The following PCDH9 variants were observed in gnomAD, a reference collection of about 807,000 sequenced individuals.
The protein encoded by PCDH9 is protocadherin-9.
PCDH9 carries 24 observed loss-of-function variants against 70.6 expected under a neutral mutation model. That is an observed-to-expected ratio of 0.34 (90% CI 0.25 to 0.48). PCDH9 has a LOEUF of 0.48. PCDH9 is among the 20% of genes least tolerant of loss of function. The pLI is 0.99. For missense variants in PCDH9, 1,281 were observed against 1,503.6 expected (o/e 0.85, Z 2.45); for synonymous variants, 562 against 558.5 (o/e 1.01, Z -0.09).
rs557165162 is a variant in PCDH9, at chr13:66,337,597, TAAAAC to T, written c.3341-32574_3341-32570del. Among the ~76,000 whole-genome samples the T allele has an allele frequency of 3.7e-3, 192 of 52,084 alleles. 8 individuals carry two copies. The South Asian group carries it at 0.15, about 41-fold the overall frequency. The allele number at this position is 52,084 out of a possible 152,430, so 34.2% of individuals were successfully genotyped here. On this transcript the variant is annotated intron_variant, in intron 4 of 4. Coordinates refer to ENST00000377865, the MANE Select transcript of PCDH9 (RefSeq NM_203487.3). ...TGCAAACTCATCTGGAGGTACTTGTTAAAACAAACAAACAAACAAACAAACAGAAA... is the reference window on the plus strand; with the variant it reads ...TGCAAACTCATCTGGAGGTACTTGTTAAACAAACAAACAAACAAACAGAAA...
chr13:67,059,130 C>T (rs1019837409), intron 2 of PCDH9, among the ~76,000 whole-genome samples: 1 of 151,610 alleles, frequency 6.6e-6, no homozygotes, highest in Non-Finnish European at 1.5e-5. Flanking sequence ...GTTCTTTCTC[C>T]CTTTATCTAA....
chr13:66,747,893 C>A (rs1461842186), intron 3 of PCDH9, among the ~76,000 whole-genome samples: 1 of 152,056 alleles, frequency 6.6e-6, no homozygotes, highest in Non-Finnish European at 1.5e-5. Context: ...ACTGTCAGAC[C>A]TTGTTCGTTA....
chr13:67,128,675 G>A (rs2087036845), intron 2 of PCDH9, among the ~76,000 whole-genome samples: 2 of 152,130 alleles, frequency 1.3e-5, no homozygotes, highest in South Asian at 2.1e-4. Flanking sequence ...AGTGTGGAAG[G>A]TAGGAAGTAG....
intron 4 of PCDH9, among the ~76,000 whole-genome samples, chr13:66,581,890 T>C (rs969177924): frequency 5.3e-5 from 8 of 152,294 alleles, no homozygotes; most frequent in South Asian, 2.1e-4. Flanking sequence ...TTGAAAAATG[T>C]ACCTCATCTA....
At chr13:66,932,347 T>C (rs765673931) in intron 2 of PCDH9, among the ~76,000 whole-genome samples, 6 of 152,128 alleles carry the variant, frequency 3.9e-5, no homozygotes, top group Non-Finnish European at 8.8e-5. Context: ...TAAATCACTT[T>C]GAAGAAACGA....
chr13:66,632,634 T>C (rs1002380962), intron 3 of PCDH9, among the ~76,000 whole-genome samples: 4 of 152,128 alleles, frequency 2.6e-5, no homozygotes, highest in African/African-American at 7.2e-5. Context: ...TCAGCACAGA[T>C]TGGTTTAGTT....
At chr13:66,754,230 G>A (rs2079505775) in intron 3 of PCDH9, among the ~76,000 whole-genome samples, 1 of 152,092 alleles carries the variant, frequency 6.6e-6, no homozygotes, top group Non-Finnish European at 1.5e-5. Context: ...CCTGTCAGTG[G>A]GTGGAGGGCA....
intron 4 of PCDH9, among the ~76,000 whole-genome samples, chr13:66,628,009 T>C (rs552356279): frequency 6.6e-6 from 1 of 151,056 alleles, no homozygotes; most frequent in African/African-American, 2.4e-5. Context: ...GAAAAATATA[T>C]TTTTTTCTTT....
At chr13:66,724,295 T>G (rs1430900316) in intron 3 of PCDH9, among the ~76,000 whole-genome samples, 5 of 152,182 alleles carry the variant, frequency 3.3e-5, no homozygotes, top group Admixed American at 6.5e-5. Context: ...AGGTTAAATT[T>G]GGATCAGAAT....
intron 3 of PCDH9, among the ~76,000 whole-genome samples, chr13:66,824,474 G>T (rs1405427604): frequency 2.0e-5 from 3 of 148,860 alleles, no homozygotes; most frequent in Non-Finnish European, 4.5e-5. Flanking sequence ...TGGCCAATGT[G>T]GTGAAACCCC....
intron 3 of PCDH9, among the ~76,000 whole-genome samples, chr13:66,693,986 G>T (rs2078523574): frequency 6.6e-6 from 1 of 152,226 alleles, no homozygotes; most frequent in Non-Finnish European, 1.5e-5. Flanking sequence ...GGTGAAATGT[G>T]CAGGGCATTT....
intron 2 of PCDH9, among the ~76,000 whole-genome samples, chr13:67,043,040 G>A (rs1003891366): frequency 5.9e-5 from 9 of 152,106 alleles, no homozygotes; most frequent in Non-Finnish European, 1.2e-4. Flanking sequence ...ATTTTTACAA[G>A]TTTAGTATAA....
At chr13:66,924,187 C>A (rs896908239) in intron 2 of PCDH9, among the ~76,000 whole-genome samples, 3 of 151,776 alleles carry the variant, frequency 2.0e-5, no homozygotes, top group African/African-American at 7.2e-5. Flanking sequence ...CTCTTCTAAA[C>A]CCTTATCAAA....
intron 3 of PCDH9, among the ~76,000 whole-genome samples, chr13:66,753,183 A>G (rs1186772045): frequency 6.6e-6 from 1 of 152,208 alleles, no homozygotes; most frequent in Non-Finnish European, 1.5e-5. Flanking sequence ...ACTTAGAAGT[A>G]CCGTAAGTTT....
chr13:66,760,474 T>C (rs1378420035), intron 3 of PCDH9, among the ~76,000 whole-genome samples: 2 of 152,150 alleles, frequency 1.3e-5, no homozygotes, highest in African/African-American at 2.4e-5. Context: ...AAATTAATAC[T>C]TTTATAATTT....
chr13:66,518,436 A>G (rs981043009), intron 4 of PCDH9, among the ~76,000 whole-genome samples: 12 of 152,112 alleles, frequency 7.9e-5, no homozygotes, highest in African/African-American at 2.4e-4. Context: ...ATGAGACAAT[A>G]CTTTTAAAAG....
intron 2 of PCDH9, among the ~76,000 whole-genome samples, chr13:66,916,183 C>T (rs988512855): frequency 2.6e-5 from 4 of 151,576 alleles, no homozygotes; most frequent in African/African-American, 9.7e-5. Flanking sequence ...AAGACAAATT[C>T]AGATATATTC....
intron 4 of PCDH9, among the ~76,000 whole-genome samples, chr13:66,623,294 C>A (rs925235202): frequency 8.5e-5 from 13 of 152,188 alleles, no homozygotes; most frequent in African/African-American, 3.1e-4. Context: ...AAAATGCATC[C>A]CCAGTAGTGA....
intron 3 of PCDH9, among the ~76,000 whole-genome samples, chr13:66,826,288 C>G (rs917007512): frequency 6.6e-6 from 1 of 152,136 alleles, no homozygotes; most frequent in African/African-American, 2.4e-5. Context: ...AAATATCATT[C>G]TCCAGGATTC....
Sources: gnomAD v4.1 joint callset for allele counts (sites outside exome capture counted in the v4.1 genomes callset) on GRCh38, gnomAD v4.1.1 for gene constraint, MANE v1.5 for transcripts, NCBI Gene and HGNC (gene_info 2026-07-23, HGNC 2026-07-21) for gene names.